SYTL3: variants seen among roughly 807,000 people sequenced by gnomAD.
SYTL3 encodes synaptotagmin-like protein 3.
SYTL3 carries 88 observed loss-of-function variants against 82.1 expected under a neutral mutation model. The observed-to-expected ratio is 1.07, with a 90% CI of 0.90 to 1.28. The LOEUF (loss-of-function observed/expected upper bound fraction) is 1.28. SYTL3 is among the 50% of genes most tolerant of loss of function. SYTL3 has a pLI of 0.00. For missense variants in SYTL3, 831 were observed against 757.6 expected (o/e 1.10, Z -1.14); for synonymous variants, 311 against 289.4 (o/e 1.07, Z -0.76).
chr6:158,663,313 C>T lies in SYTL3; in HGVS notation c.45C>T (p.Arg15=), dbSNP rs200370553. 2.7e-5 allele frequency: 43 copies of T among 1,614,058 alleles called. No individual in the cohort carries two copies. The highest frequency in any genetic ancestry group is 5.3e-5 in the African/African-American group (4 of 75,012). ...TGAGTGCTCTCAAGGAGTTAGAACG[C>T]GAGGCCATTCTCCAGGTCCTGTACC... The part of the protein sequence containing the change: ...IDLSALKELE[R]EAILQVLYRD... Residue 15 remains arginine, a synonymous_variant, in exon 4 of 18, where the codon CGC becomes CGT. Coordinates refer to ENST00000611299, the MANE Select transcript of SYTL3 (RefSeq NM_001242394.2).
chr6:158,762,403 T>C (rs1268315662), intron 16 of SYTL3, among the ~76,000 whole-genome samples: 1 of 152,102 alleles, frequency 6.6e-6, no homozygotes, highest in African/African-American at 2.4e-5. Flanking sequence ...TTCTGTGATA[T>C]CAGGAAGCCA....
upstream of SYTL3, among the ~76,000 whole-genome samples, chr6:158,647,859 G>A (rs1031927269): frequency 1.3e-5 from 2 of 152,244 alleles, no homozygotes; most frequent in South Asian, 2.1e-4. Flanking sequence ...GCAGGTTTGC[G>A]TGCAATCACC....
At chr6:158,755,835 G>T (rs1384014386) in intron 13 of SYTL3, among the ~76,000 whole-genome samples, 1 of 152,196 alleles carries the variant, frequency 6.6e-6, no homozygotes, top group Non-Finnish European at 1.5e-5. Context: ...GGGGCAGCAT[G>T]GGCCACAGAG....
At chr6:158,730,115 A>G (rs1455088566) in intron 11 of SYTL3, among the ~76,000 whole-genome samples, 2 of 152,144 alleles carry the variant, frequency 1.3e-5, no homozygotes, top group African/African-American at 4.8e-5. Flanking sequence ...CCCCTTCCTT[A>G]TTTGGAAATA....
chr6:158,676,814 A>G (rs1354390771), intron 5 of SYTL3, among the ~76,000 whole-genome samples: 1 of 152,192 alleles, frequency 6.6e-6, no homozygotes, highest in South Asian at 2.1e-4. Context: ...AATGCTCATC[A>G]TCACTGGCCA....
At chr6:158,748,072 CG>C (rs1344617953) in intron 12 of SYTL3, among the ~76,000 whole-genome samples, 9 of 131,568 alleles carry the variant, frequency 6.8e-5, no homozygotes, top group African/African-American at 1.3e-4. Flanking sequence ...TTCTTCTTAT[CG>C]TTTTTTTTTT....
chr6:158,753,393 T>A (rs901687271), intron 13 of SYTL3, among the ~76,000 whole-genome samples: 1 of 151,968 alleles, frequency 6.6e-6, no homozygotes, highest in Non-Finnish European at 1.5e-5. Flanking sequence ...AAATTTCTTA[T>A]TTTCTAAGAT....
chr6:158,699,075 G>A (rs1780872949), intron 6 of SYTL3, among the ~76,000 whole-genome samples: 1 of 152,236 alleles, frequency 6.6e-6, no homozygotes, highest in Non-Finnish European at 1.5e-5. Flanking sequence ...CAGGGCTGCT[G>A]TGGGGCCTTT....
intron 13 of SYTL3, among the ~76,000 whole-genome samples, chr6:158,754,761 A>G (rs879357244): frequency 3.9e-5 from 6 of 152,238 alleles, no homozygotes; most frequent in Non-Finnish European, 8.8e-5. Context: ...TTCTGTATGT[A>G]GCAGGGAGTA....
chr6:158,715,178 G>A (rs1037394849), intron 9 of SYTL3, among the ~76,000 whole-genome samples: 2 of 152,002 alleles, frequency 1.3e-5, no homozygotes, highest in African/African-American at 4.8e-5. Context: ...TGTATGGGTG[G>A]GTGCTAGTTC....
chr6:158,729,111 A>C (rs778802158), intron 11 of SYTL3, among the ~76,000 whole-genome samples: 20 of 152,238 alleles, frequency 1.3e-4, no homozygotes, highest in Admixed American at 1.2e-3. Context: ...ATTGTGACGC[A>C]TGGTATAATA....
At chr6:158,724,127 T>TTGAA (rs1270018796) in intron 10 of SYTL3, among the ~76,000 whole-genome samples, 10 of 152,164 alleles carry the variant, frequency 6.6e-5, no homozygotes, top group Non-Finnish European at 1.5e-4. Context: ...GTGCTTCCAT[T>TTGAA]TGAATGGTGT....
chr6:158,721,688 G>C (rs1399941028), intron 10 of SYTL3, among the ~76,000 whole-genome samples: 1 of 151,854 alleles, frequency 6.6e-6, no homozygotes, highest in Non-Finnish European at 1.5e-5. Context: ...GCTGGAGTAC[G>C]ATGGCACAAT....
At chr6:158,651,443 C>G (rs13212552) in intron 1 of SYTL3, among the ~76,000 whole-genome samples, 29,810 of 151,962 alleles carry the variant, frequency 0.2, 3,026 homozygotes, top group African/African-American at 0.27. Context: ...AAAAAATTAG[C>G]TGGGTGTGGT....
chr6:158,663,676 T>C (rs1789649687), intron 4 of SYTL3: 10 of 900,294 alleles, frequency 1.1e-5, no homozygotes, highest in Non-Finnish European at 1.3e-5. Flanking sequence ...TTCGTGGGAA[T>C]CATTCAAGGG....
intron 6 of SYTL3, 24 bp downstream of exon 6, chr6:158,683,013 TA>T: frequency 6.6e-7 from 1 of 1,519,678 alleles, no homozygotes; most frequent in Non-Finnish European, 9.1e-7. Context: ...ACTTTTTTAG[TA>T]AAGTAAAATG....
chr6:158,714,933 C>T (rs1012067110), intron 9 of SYTL3, among the ~76,000 whole-genome samples: 1 of 152,178 alleles, frequency 6.6e-6, no homozygotes, highest in Non-Finnish European at 1.5e-5. Context: ...CAGAAACAGT[C>T]GTCTCATGCA....
At chr6:158,686,928 C>G (rs953886855) in intron 6 of SYTL3, among the ~76,000 whole-genome samples, 1 of 152,214 alleles carries the variant, frequency 6.6e-6, no homozygotes, top group Non-Finnish European at 1.5e-5. Context: ...AGGGAGGCAA[C>G]TGCAACCTCA....
At chr6:158,677,996 C>T (rs1778256370) in intron 5 of SYTL3, among the ~76,000 whole-genome samples, 1 of 152,104 alleles carries the variant, frequency 6.6e-6, no homozygotes, top group African/African-American at 2.4e-5. Context: ...CTCAAGCAGT[C>T]CTCCCACTTC....
Sources: gnomAD v4.1 joint callset for allele counts (sites outside exome capture counted in the v4.1 genomes callset) on GRCh38, gnomAD v4.1.1 for gene constraint, MANE v1.5 for transcripts, NCBI Gene and HGNC (gene_info 2026-07-23, HGNC 2026-07-21) for gene names.